Variants in CUX2 observed in about 807,000 individuals in gnomAD.
CUX2 encodes the protein homeobox protein cut-like 2.
CUX2 carries 40 observed loss-of-function variants against 144.8 expected under a neutral mutation model. The observed-to-expected ratio is 0.28, with a 90% CI of 0.21 to 0.36. The LOEUF is 0.36. Ranked by LOEUF, CUX2 falls within the 10% of genes least tolerant of loss-of-function variation. The pLI, the probability that CUX2 is intolerant of heterozygous loss-of-function variation, is 1.00. For synonymous variants in CUX2, 827 were observed against 875.6 expected (o/e 0.94, Z 0.98); for missense variants, 1,615 against 1,994.0 (o/e 0.81, Z 3.62).
At chr12:111,131,388 T>C (rs976419682) in intron 1 of CUX2, among the ~76,000 whole-genome samples, 1 of 152,142 alleles carries the variant, frequency 6.6e-6, no homozygotes, top group African/African-American at 2.4e-5. Flanking sequence ...GAGATTTGGG[T>C]TGGGGCACAG....
At chr12:111,137,040 C>G (rs1875937984) in intron 1 of CUX2, among the ~76,000 whole-genome samples, 1 of 151,550 alleles carries the variant, frequency 6.6e-6, no homozygotes, top group African/African-American at 2.4e-5. Flanking sequence ...CAGGCTCAAA[C>G]AGTTCTCCAG....
At chr12:111,139,715 A>T (rs766819068) in intron 1 of CUX2, among the ~76,000 whole-genome samples, 1 of 152,230 alleles carries the variant, frequency 6.6e-6, no homozygotes, top group Non-Finnish European at 1.5e-5. Context: ...CACTGCATAC[A>T]GTTCATCCGT....
In CUX2 at chr12:111,291,482, C is replaced by T. The variant is rs781694349; in HGVS notation, c.366C>T (p.Asp122=). The change falls in exon 5 of 22, where the codon GAC becomes GAT. Residue 122 remains aspartate (D), a synonymous_variant. Coordinates refer to ENST00000261726, the MANE Select transcript of CUX2 (RefSeq NM_015267.4). ...ACAGACTGCAGCCCCCCAGCTTTGACCCCAGTGGGCAGCCCCGGCGAGACC... is the reference window on the plus strand; with the variant it reads ...ACAGACTGCAGCCCCCCAGCTTTGATCCCAGTGGGCAGCCCCGGCGAGACC... ...LDDRLQPPSF[D]PSGQPRRDLH... is the part of the protein sequence containing the mutation. The T allele has an allele frequency of 8.1e-6, 13 of 1,611,998 alleles. No individual in the cohort carries two copies. Among genetic ancestry groups the T allele is most frequent in the Non-Finnish European group, 1.1e-5 (13 of 1,179,126 alleles).
chr12:111,135,208 AGAG>A (rs1309404777), intron 1 of CUX2, among the ~76,000 whole-genome samples: 1 of 151,036 alleles, frequency 6.6e-6, no homozygotes, highest in East Asian at 1.9e-4. Flanking sequence ...GAAAAAAAAA[AGAG>A]AAGAAAGAAT....
chr12:111,060,991 G>A (rs967238291), intron 1 of CUX2, among the ~76,000 whole-genome samples: 7 of 152,218 alleles, frequency 4.6e-5, no homozygotes, highest in African/African-American at 1.7e-4. Flanking sequence ...CAGAAAGGAA[G>A]CAGTGACACC....
intron 1 of CUX2, among the ~76,000 whole-genome samples, chr12:111,133,548 G>T (rs1211826859): frequency 1.3e-5 from 2 of 152,194 alleles, no homozygotes; most frequent in African/African-American, 4.8e-5. Context: ...TGGCCCCCAT[G>T]ATTCAGTTAC....
At chr12:111,275,566 G>A (rs551229967) in intron 4 of CUX2, among the ~76,000 whole-genome samples, 5 of 152,312 alleles carry the variant, frequency 3.3e-5, no homozygotes, top group South Asian at 2.1e-4. Flanking sequence ...GGAGCTGCAC[G>A]GATGCCCTGT....
rs1169377765 is a variant in CUX2 at position 111,160,880 on chromosome 12, G to A, written c.64-53320G>A. Reference sequence around the variant, plus strand: ...TGGCCTGAACAGCTGGGTGGACTCCGTGCCGCTTCCTGCCATGGGGAAGAT... The same window carrying A: ...TGGCCTGAACAGCTGGGTGGACTCCATGCCGCTTCCTGCCATGGGGAAGAT... On this transcript the variant is annotated intron_variant, in intron 1 of 21. Coordinates refer to ENST00000261726, the MANE Select transcript of CUX2 (RefSeq NM_015267.4). The surrounding 1 kb of genome is among the most constrained non-coding windows in gnomAD (Gnocchi z 4.1). Among the ~76,000 whole-genome samples the A allele has an allele frequency of 3.9e-5, 6 of 152,162 alleles. No homozygotes were observed. Among genetic ancestry groups the A allele is most frequent in the East Asian group, 1.9e-4 (1 of 5,186 alleles).
In CUX2 at chr12:111,263,661, A is replaced by T. The variant is rs1172115794; in HGVS notation, c.223-100A>T. On this transcript the variant is annotated intron_variant, in intron 3 of 21. Transcript: ENST00000261726. The surrounding 1 kb of genome is among the most constrained non-coding windows in gnomAD (Gnocchi z 4.0). ...AAAACAAAACAAAACAAAACAAAAAACCTGCAGATGTTTTCTTGTGGAAAA... is the reference window on the plus strand; with the variant it reads ...AAAACAAAACAAAACAAAACAAAAATCCTGCAGATGTTTTCTTGTGGAAAA... The T allele has an allele frequency of 2.5e-5, 23 of 936,738 alleles. No homozygotes were observed. Among genetic ancestry groups the T allele is most frequent in the Non-Finnish European group, 3.8e-5 (22 of 584,672 alleles). 58.0% of individuals were successfully genotyped at this position (936,738 alleles called of 1,614,324 possible). A position where few individuals can be genotyped will look rare whatever the true frequency, so the allele number is the denominator to read the frequency against.
At chr12:111,041,019 C>A (rs1869719535) in intron 1 of CUX2, among the ~76,000 whole-genome samples, 1 of 152,098 alleles carries the variant, frequency 6.6e-6, no homozygotes, top group African/African-American at 2.4e-5. Context: ...AAACTCAGTT[C>A]CCAAAACTTG....
intron 1 of CUX2, among the ~76,000 whole-genome samples, chr12:111,105,507 G>A (rs1024801087): frequency 6.6e-6 from 1 of 152,154 alleles, no homozygotes; most frequent in African/African-American, 2.4e-5. Flanking sequence ...GTGTGTGTGT[G>A]TGCTCACGCA....
At chr12:111,121,117 A>G (rs1282783180) in intron 1 of CUX2, among the ~76,000 whole-genome samples, 2 of 151,578 alleles carry the variant, frequency 1.3e-5, no homozygotes, top group Non-Finnish European at 2.9e-5. Context: ...AAAAAAAAAA[A>G]AACAACCCAC....
chr12:111,109,114 T>G (rs1873784065), intron 1 of CUX2, among the ~76,000 whole-genome samples: 1 of 152,226 alleles, frequency 6.6e-6, no homozygotes, highest in Non-Finnish European at 1.5e-5. Context: ...TCATGACCAC[T>G]GATAATCATT....
At chr12:111,331,288 G>T (rs150953319) in intron 18 of CUX2, among the ~76,000 whole-genome samples, 115 of 152,278 alleles carry the variant, frequency 7.6e-4, no homozygotes, top group Middle Eastern at 3.4e-3. Context: ...TGTCTCTTCT[G>T]AAAGTAAAGC....
chr12:111,143,956 C>G (rs1876499708), intron 1 of CUX2, among the ~76,000 whole-genome samples: 1 of 152,232 alleles, frequency 6.6e-6, no homozygotes, highest in Non-Finnish European at 1.5e-5. Context: ...TCCAAACTGA[C>G]TCGGCATTCA....
intron 16 of CUX2, among the ~76,000 whole-genome samples, chr12:111,317,232 T>A (rs1887241314): frequency 6.6e-6 from 1 of 152,182 alleles, no homozygotes; most frequent in South Asian, 2.1e-4. Flanking sequence ...CTAGAGAGAC[T>A]CTGGTGTCGG....
chr12:111,203,249 A>G (rs1432935539), intron 1 of CUX2, among the ~76,000 whole-genome samples: 2 of 151,352 alleles, frequency 1.3e-5, no homozygotes, highest in Non-Finnish European at 2.9e-5. Flanking sequence ...AAAAAAAAAA[A>G]AAAAATCAGT....
rs1870654602 is a variant in CUX2 at position 111,059,056 on chromosome 12, A to G, written c.63+24816A>G. On this transcript the variant is annotated intron_variant, in intron 1 of 21. Transcript: ENST00000261726. This position sits in a 1 kb window ranked among gnomAD's most constrained non-coding sequence, Gnocchi z 5.3. The stretch of plus-strand genomic sequence containing the variant: ...TCCCAAGTCTGGGTGTGTTTAGTAA[A>G]CATTATTAATTTGTTCCCTTAACCG... Among the ~76,000 whole-genome samples, 1 of 152,236 alleles carries G rather than the reference A, an allele frequency of 6.6e-6. No individual in the cohort carries two copies. The highest frequency in any genetic ancestry group is 2.1e-4 in the South Asian group (1 of 4,836).
chr12:111,200,189 C>G (rs1334692277), intron 1 of CUX2, among the ~76,000 whole-genome samples: 3 of 151,998 alleles, frequency 2.0e-5, no homozygotes, highest in Admixed American at 2.0e-4. Context: ...TCTTTGAACT[C>G]TCCCACAGCT....
Sources: allele counts gnomAD v4.1 joint callset (sites outside exome capture counted in the v4.1 genomes callset), GRCh38; gene constraint gnomAD v4.1.1; non-coding constraint Gnocchi (gnomAD v3.1); transcripts MANE v1.5; gene names NCBI Gene and HGNC (gene_info 2026-07-23, HGNC 2026-07-21).